The following PDLIM3 variants were observed in gnomAD, a reference collection of about 807,000 sequenced individuals.
PDLIM3 encodes the protein PDZ and LIM domain protein 3.
Under a neutral mutation model 37.3 loss-of-function variants are expected in PDLIM3, and 36 were observed. The ratio of observed to expected loss-of-function variants is 0.97; its 90% CI spans 0.74 to 1.28. The LOEUF (loss-of-function observed/expected upper bound fraction) is 1.28. Ranked by LOEUF, PDLIM3 falls within the 50% of genes most tolerant of loss-of-function variation. The pLI, the probability that PDLIM3 is intolerant of heterozygous loss-of-function variation, is 0.00. For missense variants in PDLIM3, 454 were observed against 485.0 expected, an observed-to-expected ratio of 0.94 and a Z score of 0.60; for synonymous variants, 174 against 182.4, an observed-to-expected ratio of 0.95 and a Z score of 0.37.
chr4:185,509,574 A>C (rs139443599), intron 4 of PDLIM3, among the ~76,000 whole-genome samples: 248 of 152,272 alleles, frequency 1.6e-3, no homozygotes, highest in Non-Finnish European at 2.8e-3. Flanking sequence ...ATTTTTCCAC[A>C]TGCATGAGAG....
In PDLIM3 at chr4:185,527,168, T is replaced by A. The variant is rs146471320; in HGVS notation, c.94-1997A>T. Among the ~76,000 whole-genome samples, 325 of 152,300 alleles carry A rather than the reference T, an allele frequency of 2.1e-3. 1 individual carries two copies. Among genetic ancestry groups the A allele is most frequent in the African/African-American group, 7.6e-3 (317 of 41,570 alleles). ...AACTAGTCCCTATATACCCAAAGAT[T>A]ATGGCTTTTAATGTCAACTTGTCAT... is the stretch of plus-strand genomic sequence containing the variant. On this transcript the variant is annotated intron_variant, in intron 1 of 7. Coordinates refer to ENST00000284767, the MANE Select transcript of PDLIM3 (RefSeq NM_014476.6).
intron 5 of PDLIM3, 139 bp downstream of exon 5, chr4:185,508,160 T>C: frequency 3.6e-6 from 3 of 831,550 alleles, no homozygotes; most frequent in South Asian, 3.0e-5. Flanking sequence ...CCTAGATATT[T>C]GCAGTAAATC....
Position 185,514,320 on chromosome 4 carries a change from T to G in PDLIM3, c.348A>C (p.Glu116Asp). 1 of 1,614,178 alleles carries G rather than the reference T, an allele frequency of 6.2e-7. No individual in the cohort carries two copies. Among genetic ancestry groups the G allele is most frequent in the Non-Finnish European group, 8.5e-7 (1 of 1,180,032 alleles). The change falls in exon 4 of 8, where the codon GAA becomes GAC. Residue 116 changes from glutamate to aspartate, a missense_variant. Physicochemically the swap from Glu to Asp is conservative, Grantham distance 45. Coordinates refer to ENST00000284767, the MANE Select transcript of PDLIM3 (RefSeq NM_014476.6). The surrounding 1 kb of genome is among the most constrained non-coding windows in gnomAD (Gnocchi z 4.0). ...ESEPQDGNYF[E>D]HKHNIRPKPF... ...GTTTGGGCCGAATATTATGCTTGTG[T>G]TCAAAGTAGTTCCCGTCCTGTGAAA... is the stretch of plus-strand genomic sequence containing the variant.
At chr4:185,511,382 T>G (rs1269476845) in intron 4 of PDLIM3, among the ~76,000 whole-genome samples, 1 of 137,496 alleles carries the variant, frequency 7.3e-6, no homozygotes, top group Non-Finnish European at 1.6e-5. Context: ...TTTTTTTTTT[T>G]GAGACAGTCT....
Position 185,535,323 on chromosome 4 carries a change from C to G in PDLIM3, c.93+19G>C. The G allele has an allele frequency of 6.3e-7, 1 of 1,596,044 alleles. No individual in the cohort carries two copies. The highest frequency in any genetic ancestry group is 1.7e-5 in the Admixed American group (1 of 58,470). ...CGGAGTCCCCACCTCGCAGCAAAAG[C>G]AAGAATGCCGACACCTACCCTGGTG... is the stretch of plus-strand genomic sequence containing the variant. On this transcript the variant is annotated intron_variant, in intron 1 of 7. Transcript: ENST00000284767.
intron 1 of PDLIM3, among the ~76,000 whole-genome samples, chr4:185,534,961 T>C (rs543496524): frequency 1.3e-5 from 2 of 152,324 alleles, no homozygotes; most frequent in African/African-American, 4.8e-5. Context: ...GGACCCATCA[T>C]TTGTTACGGA....
rs1064796959 is a variant in PDLIM3, at chr4:185,508,364, A to T, written c.597T>A (p.Asp199Glu). The T allele has an allele frequency of 3.7e-6, 6 of 1,613,992 alleles. No homozygotes were observed. The African/African-American group carries it at 8.0e-5, about 22-fold the overall frequency. The change falls in exon 5 of 8, where the codon GAT becomes GAA. Residue 199 changes from aspartate (D) to glutamate (E), a missense_variant. Physicochemically the swap from Asp to Glu is conservative, Grantham distance 45. Transcript: ENST00000284767. ...CCTGGAGTGTTTCCATAATATTGTC[A>T]TCTGAGTACAACTGCATAGGTGTAT... ...QFNTPMQLYS[D>E]DNIMETLQGQ...
At position 185,508,412 on chromosome 4, in the gene PDLIM3, C is replaced by T; in HGVS notation, c.549G>A (p.Val183=). 6.2e-7 allele frequency: 1 copy of T among 1,614,170 alleles called. No homozygotes were observed. The highest frequency in any genetic ancestry group is 8.5e-7 in the Non-Finnish European group (1 of 1,180,034). ...TATTAAACTGAGCATGTACAATCTT[C>T]ACACCAGGAAGTTCCATTTCCAAAG... is the stretch of plus-strand genomic sequence containing the variant. ...NIPLEMELPG[V]KIVHAQFNTP... Residue 183 remains valine (V), a synonymous_variant, in exon 5 of 8, where the codon GTG becomes GTA. Coordinates refer to ENST00000284767, the MANE Select transcript of PDLIM3 (RefSeq NM_014476.6).
intron 3 of PDLIM3, among the ~76,000 whole-genome samples, chr4:185,519,580 C>G (rs1453044275): frequency 6.6e-6 from 1 of 152,188 alleles, no homozygotes; most frequent in African/African-American, 2.4e-5. Flanking sequence ...AGCCACCATG[C>G]CCGGCCACAT....
Position 185,504,023 on chromosome 4 carries a change from A to T in PDLIM3, c.905+452T>A, listed in dbSNP as rs546888338. Among the ~76,000 whole-genome samples, 1 of 145,364 alleles carries T rather than the reference A, an allele frequency of 6.9e-6. No homozygotes were observed. The highest frequency in any genetic ancestry group is 2.3e-4 in the South Asian group (1 of 4,364). The stretch of plus-strand genomic sequence containing the variant: ...TTGTTTCAACATTTGTGTAACTTAC[A>T]CTGGGTAAGGATAATGTATTTTAAG... On this transcript the variant is annotated intron_variant, in intron 7 of 7. Transcript: ENST00000284767. The surrounding 1 kb of genome is among the most constrained non-coding windows in gnomAD (Gnocchi z 4.7).
At position 185,528,749 on chromosome 4, in the gene PDLIM3, A is replaced by G. The variant is rs540170930; in HGVS notation, c.94-3578T>C. On this transcript the variant is annotated intron_variant, in intron 1 of 7. Coordinates refer to ENST00000284767, the MANE Select transcript of PDLIM3 (RefSeq NM_014476.6). ...CCTGAGACCTCTAAGGAGACAGTTG[A>G]TGAGAAAAAGGAAATAGAGAGAGGA... 1.1e-3 allele frequency among the ~76,000 whole-genome samples: 170 copies of G among 152,374 alleles called. 1 individual carries two copies. The highest frequency in any genetic ancestry group is 6.8e-3 in the Middle Eastern group (2 of 294).
intron 2 of PDLIM3, among the ~76,000 whole-genome samples, chr4:185,524,721 C>T (rs2095729789): frequency 6.6e-6 from 1 of 152,112 alleles, no homozygotes; most frequent in Non-Finnish European, 1.5e-5. Context: ...TTGTGTTGTT[C>T]AGTGTTTATG....
In PDLIM3 at chr4:185,514,120, G is replaced by A; in HGVS notation, c.398+150C>T. The A allele has an allele frequency of 6.5e-7, 1 of 1,537,582 alleles. No homozygotes were observed. The highest frequency in any genetic ancestry group is 8.8e-7 in the Non-Finnish European group (1 of 1,142,658). On this transcript the variant is annotated intron_variant, in intron 4 of 7. Coordinates refer to ENST00000284767, the MANE Select transcript of PDLIM3 (RefSeq NM_014476.6). This position sits in a 1 kb window ranked among gnomAD's most constrained non-coding sequence, Gnocchi z 4.0. Reference sequence around the variant, plus strand: ...GCAAGTTATTTGGCTTCTGTTCTCTGCCAAGTGAGTTTGTTTCTTTTTGCT... The same window carrying A: ...GCAAGTTATTTGGCTTCTGTTCTCTACCAAGTGAGTTTGTTTCTTTTTGCT...
Position 185,535,484 on chromosome 4 carries a change from C to T in PDLIM3, c.-50G>A, listed in dbSNP as rs2095752380. The T allele has an allele frequency of 4.1e-6, 6 of 1,476,472 alleles. No individual in the cohort carries two copies. The highest frequency in any genetic ancestry group is 1.4e-5 in the African/African-American group (1 of 69,142). 91.5% of individuals were successfully genotyped at this position (1,476,472 alleles called of 1,614,324 possible). A position where few individuals can be genotyped will look rare whatever the true frequency, so the allele number is the denominator to read the frequency against. ...CTCTAAGTGTCCCCGCGCAGGGCAG[C>T]CACTCCGCGCCGGGCGGCGTCCTGG... is the stretch of plus-strand genomic sequence containing the variant. On this transcript the variant is annotated 5_prime_UTR_variant, in exon 1 of 8. Coordinates refer to ENST00000284767, the MANE Select transcript of PDLIM3 (RefSeq NM_014476.6).
intron 6 of PDLIM3, among the ~76,000 whole-genome samples, chr4:185,505,117 G>T (rs2095694514): frequency 6.6e-6 from 1 of 152,112 alleles, no homozygotes; most frequent in East Asian, 1.9e-4. Context: ...TCAAATAAAT[G>T]GAATCATACA....
intron 5 of PDLIM3, 178 bp from the exon 6 acceptor site, chr4:185,506,830 G>A: frequency 1.7e-6 from 1 of 601,976 alleles, no homozygotes; most frequent in South Asian, 2.1e-5. Context: ...TCAAATGGCT[G>A]CCTTGGAAAT....
In PDLIM3 at chr4:185,508,414, C is replaced by T. The variant is rs765318874; in HGVS notation, c.547G>A (p.Val183Met). Residue 183 changes from valine (V) to methionine (M), a missense_variant, in exon 5 of 8, where the codon GTG becomes ATG. Transcript: ENST00000284767. ...TTAAACTGAGCATGTACAATCTTCA[C>T]ACCAGGAAGTTCCATTTCCAAAGGA... is the stretch of plus-strand genomic sequence containing the variant. Reference protein sequence around the residue: ...NIPLEMELPGVKIVHAQFNTP... With the variant: ...NIPLEMELPGMKIVHAQFNTP... The T allele has an allele frequency of 1.2e-6, 2 of 1,614,184 alleles. No homozygotes were observed. The highest frequency in any genetic ancestry group is 1.7e-6 in the Non-Finnish European group (2 of 1,180,026).
intron 1 of PDLIM3, among the ~76,000 whole-genome samples, chr4:185,530,810 G>A (rs2095742786): frequency 6.6e-6 from 1 of 152,136 alleles, no homozygotes; most frequent in African/African-American, 2.4e-5. Flanking sequence ...CTCTTCACCT[G>A]TAAATCACTT....
intron 7 of PDLIM3, among the ~76,000 whole-genome samples, chr4:185,503,160 G>C (rs536627293): frequency 9.9e-5 from 15 of 152,208 alleles, no homozygotes; most frequent in East Asian, 7.7e-4. Context: ...GGAGGCGGAG[G>C]TTGCAGTGAG....
Sources: gnomAD v4.1 joint callset for allele counts (sites outside exome capture counted in the v4.1 genomes callset) on GRCh38, gnomAD v4.1.1 for gene constraint, Gnocchi (gnomAD v3.1) non-coding constraint, MANE v1.5 for transcripts, NCBI Gene and HGNC (gene_info 2026-07-23, HGNC 2026-07-21) for gene names.